Variants in PDZD9 observed in about 807,000 individuals in gnomAD.
PDZD9 encodes PDZ domain-containing protein 9.
A neutral mutation model predicts 16.3 loss-of-function variants in PDZD9; 13 were observed. That is an observed-to-expected ratio of 0.80 (90% CI 0.52 to 1.27). The LOEUF (loss-of-function observed/expected upper bound fraction) is 1.27, where lower values mean the gene tolerates loss of function less well. Ranked by LOEUF, PDZD9 falls within the 50% of genes most tolerant of loss-of-function variation. PDZD9 has a pLI of 0.00. For synonymous variants in PDZD9, 120 were observed against 111.0 expected, an observed-to-expected ratio of 1.08 and a Z score of -0.51; for missense variants, 288 against 310.9, an observed-to-expected ratio of 0.93 and a Z score of 0.55.
At chr16:21,958,453 C>A in the PDZD9 span, 2 of 1,219,848 alleles carry the variant, frequency 1.6e-6, no homozygotes, top group Non-Finnish European at 2.4e-6. Flanking sequence ...TAAATCTGCT[C>A]ACAACAGATT....
chr16:21,984,736 T>C, intron 3 of PDZD9, 76 bp from the exon 4 acceptor site: 1 of 1,208,374 alleles, frequency 8.3e-7, no homozygotes, highest in Non-Finnish European at 1.1e-6. Flanking sequence ...AGATGCCTTA[T>C]AACTTGCTTT....
At chr16:21,990,133 G>T (rs1436779303) in intron 2 of PDZD9, among the ~76,000 whole-genome samples, 1 of 152,162 alleles carries the variant, frequency 6.6e-6, no homozygotes, top group Non-Finnish European at 1.5e-5. Flanking sequence ...AGTGTTTTCT[G>T]TTTTTTGCAA....
chr16:21,981,565 G>A (rs1898729259), downstream of PDZD9, among the ~76,000 whole-genome samples: 1 of 151,980 alleles, frequency 6.6e-6, no homozygotes, highest in South Asian at 2.1e-4. Context: ...ACCAGACTGG[G>A]CAATGTAGCA....
chr16:21,988,040 G>A (rs926160260), intron 3 of PDZD9, among the ~76,000 whole-genome samples: 1 of 120,136 alleles, frequency 8.3e-6, no homozygotes, highest in Non-Finnish European at 1.6e-5. Flanking sequence ...ACAAAGTCTC[G>A]CTCTATCTCC....
the PDZD9 span, chr16:21,976,308 A>G: frequency 3.0e-6 from 4 of 1,351,092 alleles, no homozygotes; most frequent in Non-Finnish European, 4.2e-6. Context: ...TTTTCAGATT[A>G]TAACAATATT....
chr16:21,999,291 C>G, intron 1 of PDZD9: 1 of 222,474 alleles, frequency 4.5e-6, no homozygotes, highest in Admixed American at 4.1e-5. Flanking sequence ...CAAAGATGAT[C>G]CTACTGCTGT....
At chr16:21,978,358 G>A in the PDZD9 span, among the ~76,000 whole-genome samples, 1 of 152,168 alleles carries the variant, frequency 6.6e-6, no homozygotes, top group Non-Finnish European at 1.5e-5. Flanking sequence ...GATGATAAAC[G>A]TTTGAGGTTC....
intron 2 of PDZD9, among the ~76,000 whole-genome samples, chr16:21,992,234 C>T (rs781632145): frequency 6.6e-6 from 1 of 151,904 alleles, no homozygotes; most frequent in Non-Finnish European, 1.5e-5. Flanking sequence ...GACCATGTCT[C>T]TTATTCAAAT....
chr16:21,980,358 CA>C (rs1380911799), downstream of PDZD9: 2 of 642,848 alleles, frequency 3.1e-6, no homozygotes, highest in African/African-American at 3.7e-5. Context: ...TTCTTCCCTT[CA>C]GACTTACTGT....
the PDZD9 span, chr16:21,971,841 T>C: frequency 3.8e-6 from 6 of 1,584,926 alleles, no homozygotes; most frequent in African/African-American, 8.0e-5. Flanking sequence ...GGGTTAATAC[T>C]GTGTTGTAGG....
At chr16:21,980,150 C>T (rs1898683032), downstream of PDZD9, 1 of 190,720 alleles carries the variant, frequency 5.2e-6, no homozygotes, top group East Asian at 1.2e-4. Flanking sequence ...CCTCACTGTG[C>T]CAGTGGGCAG....
At chr16:21,965,071 A>G in the PDZD9 span, among the ~76,000 whole-genome samples, 2 of 149,964 alleles carry the variant, frequency 1.3e-5, no homozygotes, top group African/African-American at 4.8e-5. Context: ...ACATGGCAAG[A>G]TGGCGGCAGA....
At chr16:21,970,156 TC>T in the PDZD9 span, among the ~76,000 whole-genome samples, 1 of 152,258 alleles carries the variant, frequency 6.6e-6, no homozygotes, top group Non-Finnish European at 1.5e-5. Context: ...AATGTCTTAT[TC>T]CCTTTTATGG....
At chr16:21,980,979 C>T (rs749688866), downstream of PDZD9, among the ~76,000 whole-genome samples, 1 of 152,106 alleles carries the variant, frequency 6.6e-6, no homozygotes, top group Non-Finnish European at 1.5e-5. Context: ...GTCAAAAGTG[C>T]ATTTAATACA....
chr16:21,978,515 C>A, the PDZD9 span, among the ~76,000 whole-genome samples: 3 of 152,132 alleles, frequency 2.0e-5, no homozygotes, highest in African/African-American at 7.2e-5. Flanking sequence ...ACTGCCCTTC[C>A]CCACCTGCCT....
the PDZD9 span, chr16:21,973,793 G>C: frequency 2.1e-6 from 2 of 953,568 alleles, no homozygotes; most frequent in Non-Finnish European, 3.3e-6. Flanking sequence ...AATCTATTTT[G>C]TTTATACCGT....
intron 1 of PDZD9, chr16:21,999,202 A>T (rs1156760320): frequency 5.4e-6 from 1 of 183,532 alleles, no homozygotes; most frequent in African/African-American, 2.4e-5. Flanking sequence ...CATGCTCAGG[A>T]TGAACTATTA....
At chr16:21,961,843 T>C in the PDZD9 span, among the ~76,000 whole-genome samples, 5 of 151,324 alleles carry the variant, frequency 3.3e-5, no homozygotes, top group African/African-American at 1.2e-4. Flanking sequence ...GTAGAGACCA[T>C]GGTTTCACCC....
At chr16:21,966,229 C>T in the PDZD9 span, among the ~76,000 whole-genome samples, 5 of 152,010 alleles carry the variant, frequency 3.3e-5, no homozygotes, top group African/African-American at 1.2e-4. Context: ...TTTGGTCTCT[C>T]TGAATTTGTA....
Sources: gnomAD v4.1 joint callset for allele counts (sites outside exome capture counted in the v4.1 genomes callset) on GRCh38, gnomAD v4.1.1 for gene constraint, MANE v1.5 for transcripts, NCBI Gene and HGNC (gene_info 2026-07-23, HGNC 2026-07-21) for gene names.